The following PDE11A variants were observed in gnomAD, a reference collection of about 807,000 sequenced individuals.
PDE11A encodes phosphodiesterase 11A.
In PDE11A, 100 loss-of-function variants were observed where a neutral mutation model predicts 100.5. That is an observed-to-expected ratio of 1.00 (90% CI 0.85 to 1.18). PDE11A has a LOEUF of 1.18. Among genes scored for constraint, PDE11A ranks in the 50% most tolerant of loss-of-function variants. The pLI, the probability that PDE11A is intolerant of heterozygous loss-of-function variation, is 0.00. For synonymous variants in PDE11A, 381 were observed against 420.8 expected, an observed-to-expected ratio of 0.91 and a Z score of 1.16; for missense variants, 1,141 against 1,152.6, an observed-to-expected ratio of 0.99 and a Z score of 0.15.
intron 2 of PDE11A, among the ~76,000 whole-genome samples, chr2:178,081,819 A>AT (rs766642676): frequency 3.3e-5 from 5 of 152,252 alleles, no homozygotes; most frequent in Admixed American, 1.3e-4. Context: ...AAAAGTTATC[A>AT]TTTCCACACT....
intron 2 of PDE11A, among the ~76,000 whole-genome samples, chr2:177,996,769 C>A (rs1343430190): frequency 1.3e-5 from 2 of 152,034 alleles, no homozygotes; most frequent in African/African-American, 4.8e-5. Context: ...TTACAGTTAC[C>A]CTTCTCCATA....
intron 1 of PDE11A, among the ~76,000 whole-genome samples, chr2:178,070,110 T>C (rs1388218304): frequency 6.6e-6 from 1 of 152,260 alleles, no homozygotes; most frequent in Non-Finnish European, 1.5e-5. Context: ...TAAATGCTTA[T>C]ATTTCTTCTC....
intron 2 of PDE11A, among the ~76,000 whole-genome samples, chr2:177,933,291 T>C (rs1421092517): frequency 6.6e-6 from 1 of 152,176 alleles, no homozygotes; most frequent in African/African-American, 2.4e-5. Flanking sequence ...TCTATCAAAC[T>C]ACCAATGTCA....
chr2:178,037,942 G>T (rs965535058), intron 1 of PDE11A, among the ~76,000 whole-genome samples: 2 of 152,032 alleles, frequency 1.3e-5, no homozygotes, highest in African/African-American at 4.8e-5. Flanking sequence ...AAAGCTAGAT[G>T]ACGGGTTGAT....
intron 4 of PDE11A, among the ~76,000 whole-genome samples, chr2:177,895,850 T>C (rs2084604409): frequency 6.6e-6 from 1 of 152,122 alleles, no homozygotes; most frequent in African/African-American, 2.4e-5. Flanking sequence ...AATTATACAT[T>C]AATAATTATC....
At chr2:177,728,535 A>AGCT (rs2081636860) in intron 10 of PDE11A, among the ~76,000 whole-genome samples, 2 of 152,208 alleles carry the variant, frequency 1.3e-5, no homozygotes, top group South Asian at 4.1e-4. Context: ...ACATCTGGGC[A>AGCT]GCCAGCAGCT....
rs2079877970 is a variant in PDE11A, at chr2:177,629,140, A to G, written c.*267T>C. 2.0e-6 allele frequency: 1 copy of G among 498,304 alleles called. No homozygotes were observed. 30.9% of individuals were successfully genotyped at this position (498,304 alleles called of 1,614,324 possible). ...GTCCTTGGATCCAAAACAGTCCCCT[A>G]CCCAGAGCCTTCATTTCAGCCCATG... On this transcript the variant is annotated 3_prime_UTR_variant, in exon 20 of 20. Transcript: ENST00000286063.
At chr2:177,803,722 T>A (rs1464036522) in intron 9 of PDE11A, among the ~76,000 whole-genome samples, 1 of 151,962 alleles carries the variant, frequency 6.6e-6, no homozygotes, top group Non-Finnish European at 1.5e-5. Context: ...TCTCAAAACA[T>A]GCAGAAAAAG....
intron 14 of PDE11A, among the ~76,000 whole-genome samples, chr2:177,698,251 AAAGTT>A (rs1409967320): frequency 6.6e-6 from 1 of 152,210 alleles, no homozygotes; most frequent in Non-Finnish European, 1.5e-5. Flanking sequence ...TTACCTAAGT[AAAGTT>A]AGGATGACAT....
intron 5 of PDE11A, among the ~76,000 whole-genome samples, chr2:177,874,954 T>A (rs895890335): frequency 6.6e-6 from 1 of 152,210 alleles, no homozygotes; most frequent in Non-Finnish European, 1.5e-5. Context: ...CCGGGCACAG[T>A]GGTTCGCACC....
In PDE11A at chr2:177,822,512, G is replaced by A. The variant is rs139451487; in HGVS notation, c.1501-2217C>T. Among the ~76,000 whole-genome samples, 166 of 152,130 alleles carry A rather than the reference G, an allele frequency of 1.1e-3. 1 individual carries two copies. The highest frequency in any genetic ancestry group is 3.5e-3 in the African/African-American group (147 of 41,544). On this transcript the variant is annotated intron_variant, in intron 6 of 19. Transcript: ENST00000286063. ...TAATACAGTTGTATGATAAGGCTCA[G>A]TATCTGGTAGTGCAAATCCTCCAAC...
At chr2:177,700,639 G>A (rs1289330091) in intron 14 of PDE11A, among the ~76,000 whole-genome samples, 1 of 152,108 alleles carries the variant, frequency 6.6e-6, no homozygotes, top group African/African-American at 2.4e-5. Context: ...TTCCTAACTG[G>A]TCCCACCAGC....
At position 177,720,205 on chromosome 2, in the gene PDE11A, C is replaced by T. The variant is rs563401887; in HGVS notation, c.2043+7453G>A. The stretch of plus-strand genomic sequence containing the variant: ...ATCCTAGGGGCAGCCTAATGGGTAT[C>T]AAACTGTTTTATATGCTCCAAGGCA... On this transcript the variant is annotated intron_variant, in intron 12 of 19. Coordinates refer to ENST00000286063, the MANE Select transcript of PDE11A (RefSeq NM_016953.4). Among the ~76,000 whole-genome samples the T allele has an allele frequency of 3.9e-5, 6 of 152,174 alleles. No individual in the cohort carries two copies. The South Asian group carries it at 1.2e-3, about 32-fold the overall frequency.
intron 2 of PDE11A, among the ~76,000 whole-genome samples, chr2:177,967,700 C>T (rs539335025): frequency 1.3e-3 from 205 of 152,082 alleles, no homozygotes; most frequent in African/African-American, 4.7e-3. Context: ...CAGGGCCCAT[C>T]CCCACACAAG....
intron 9 of PDE11A, among the ~76,000 whole-genome samples, chr2:177,809,140 CAG>C (rs2082912613): frequency 6.6e-6 from 1 of 151,964 alleles, no homozygotes; most frequent in Non-Finnish European, 1.5e-5. Context: ...CTCATGGGTA[CAG>C]AGTTTCAGTT....
At chr2:177,717,803 G>C (rs1307214005) in intron 12 of PDE11A, among the ~76,000 whole-genome samples, 1 of 152,194 alleles carries the variant, frequency 6.6e-6, no homozygotes, top group Non-Finnish European at 1.5e-5. Context: ...ACCCAAGCCA[G>C]TAAGATTGAT....
chr2:177,955,157 G>C (rs2085546750), intron 2 of PDE11A, among the ~76,000 whole-genome samples: 1 of 152,056 alleles, frequency 6.6e-6, no homozygotes, highest in Admixed American at 6.6e-5. Flanking sequence ...TTCCCGGGTA[G>C]GAATAATAAT....
intron 4 of PDE11A, among the ~76,000 whole-genome samples, chr2:177,883,488 C>G (rs913229256): frequency 7.2e-5 from 11 of 152,082 alleles, no homozygotes; most frequent in Non-Finnish European, 1.5e-5. Context: ...GAGAAGCAAA[C>G]AGTTCACAAA....
rs748818093 is a variant in PDE11A at position 177,905,087 on chromosome 2, T to A, written c.1161+11A>T. ...TTTTGAGGAGTGTCAACAATGTTTTTATTTACTCACTCTGCTTCTTTCATA... is the reference window on the plus strand; with the variant it reads ...TTTTGAGGAGTGTCAACAATGTTTTAATTTACTCACTCTGCTTCTTTCATA... On this transcript the variant is annotated intron_variant, in intron 3 of 19. Coordinates refer to ENST00000286063, the MANE Select transcript of PDE11A (RefSeq NM_016953.4). 1.4e-6 allele frequency: 2 copies of A among 1,478,554 alleles called. No individual in the cohort carries two copies. The highest frequency in any genetic ancestry group is 2.8e-5 in the African/African-American group (2 of 72,370). 91.6% of individuals were successfully genotyped at this position (1,478,554 alleles called of 1,614,324 possible).
Sources: gnomAD v4.1 joint callset for allele counts (sites outside exome capture counted in the v4.1 genomes callset) on GRCh38, gnomAD v4.1.1 for gene constraint, MANE v1.5 for transcripts, NCBI Gene and HGNC (gene_info 2026-07-23, HGNC 2026-07-21) for gene names.